UTP20: variants seen among roughly 807,000 people sequenced by gnomAD.
UTP20 encodes small subunit processome component 20 homolog.
Under a neutral mutation model 329.5 loss-of-function variants are expected in UTP20, and 164 were observed. The observed-to-expected ratio is 0.50, with a 90% CI of 0.44 to 0.57. The LOEUF (loss-of-function observed/expected upper bound fraction) is 0.57. Among genes scored for constraint, UTP20 ranks in the 20% least tolerant of loss-of-function variants. The probability of loss-of-function intolerance (pLI) is 0.00; values close to 1 mark genes in which losing one functional copy is unlikely to be tolerated. For synonymous variants in UTP20, 1,151 were observed against 1,159.3 expected (o/e 0.99, Z 0.14); for missense variants, 3,055 against 3,284.2 (o/e 0.93, Z 1.71).
At chr12:101,326,366 G>A (rs1195854100) in intron 25 of UTP20, among the ~76,000 whole-genome samples, 1 of 152,024 alleles carries the variant, frequency 6.6e-6, no homozygotes, top group Non-Finnish European at 1.5e-5. Flanking sequence ...AGAAAAGACT[G>A]TTTCCCTCTT....
intron 43 of UTP20, among the ~76,000 whole-genome samples, chr12:101,359,629 T>A (rs993806406): frequency 5.3e-5 from 8 of 152,188 alleles, no homozygotes; most frequent in African/African-American, 1.9e-4. Flanking sequence ...CCAATGAGTT[T>A]CTTATTTCAG....
chr12:101,347,003 T>G (rs1472492166), intron 38 of UTP20, among the ~76,000 whole-genome samples: 1 of 152,206 alleles, frequency 6.6e-6, no homozygotes. Flanking sequence ...TTTCAAGTGC[T>G]TCATTCTCAC....
chr12:101,285,907 C>G, intron 4 of UTP20, 26 bp downstream of exon 4: 1 of 1,609,664 alleles, frequency 6.2e-7, no homozygotes, highest in Non-Finnish European at 8.5e-7. Context: ...AGAGAAAGCT[C>G]ACAACTATAT....
rs1870341806 is a variant in UTP20 at position 101,372,953 on chromosome 12, G to A, written c.6868G>A (p.Ala2290Thr). ...KLRPNLEFML[A>T]QLNYEHETGR... ...GAGACCAAACTTGGAATTCATGCTC[G>A]CTCAACTGAAGTAAGCTTAAGCTAT... is the stretch of plus-strand genomic sequence containing the variant. The change falls in exon 52 of 62, where the codon GCT (alanine) becomes ACT (threonine). Residue 2290 changes from alanine to threonine, a missense_variant. Around this residue, in one of 3 missense-constraint regions of UTP20, gnomAD observed 273 missense variants for 363.1 expected, o/e 0.75. Coordinates refer to ENST00000261637, the MANE Select transcript of UTP20 (RefSeq NM_014503.3). The A allele has an allele frequency of 8.7e-6, 14 of 1,613,624 alleles. No individual in the cohort carries two copies. The highest frequency in any genetic ancestry group is 1.2e-5 in the Non-Finnish European group (14 of 1,179,702).
intron 21 of UTP20, among the ~76,000 whole-genome samples, chr12:101,315,917 G>A (rs1285748569): frequency 6.6e-6 from 1 of 152,148 alleles, no homozygotes; most frequent in Non-Finnish European, 1.5e-5. Context: ...GTAGAAACAG[G>A]AGCCTGTAAC....
intron 22 of UTP20, among the ~76,000 whole-genome samples, 167 bp from the exon 23 acceptor site, chr12:101,319,378 C>T (rs114352139): frequency 0.012 from 1,902 of 152,262 alleles, 45 homozygotes; most frequent in African/African-American, 0.044. Context: ...TATGGGATTT[C>T]TGGAGAATAA....
Position 101,321,012 on chromosome 12 carries a change from G to A in UTP20, c.2915+75G>A, listed in dbSNP as rs1471475336. 5.5e-5 allele frequency: 73 copies of A among 1,335,652 alleles called. No individual in the cohort carries two copies. The Middle Eastern group carries it at 1.7e-3, about 31-fold the overall frequency. 82.7% of individuals were successfully genotyped at this position (1,335,652 alleles called of 1,614,324 possible). A position where few individuals can be genotyped will look rare whatever the true frequency, so the allele number is the denominator to read the frequency against. On this transcript the variant is annotated intron_variant, in intron 24 of 61. Transcript: ENST00000261637. ...TATTTCTGCCTAAGAGCCTCTTCTA[G>A]AATAATTTATTAAAGGCCTAGAAAG...
chr12:101,310,535 A>T (rs1015271936), intron 19 of UTP20, among the ~76,000 whole-genome samples: 1 of 136,866 alleles, frequency 7.3e-6, no homozygotes, highest in Non-Finnish European at 1.5e-5. Context: ...AGATTGCACC[A>T]TTGCACTCCA....
chr12:101,336,998 A>G (rs1296352200), intron 29 of UTP20, among the ~76,000 whole-genome samples: 1 of 152,202 alleles, frequency 6.6e-6, no homozygotes, highest in African/African-American at 2.4e-5. Flanking sequence ...AAATTTTAAG[A>G]CAACAAAACA....
chr12:101,365,493 G>T lies in UTP20; in HGVS notation c.5993G>T (p.Arg1998Leu). 1.2e-6 allele frequency: 2 copies of T among 1,609,376 alleles called. No homozygotes were observed. Among genetic ancestry groups the T allele is most frequent in the Non-Finnish European group, 1.7e-6 (2 of 1,178,718 alleles). ...AATACCACGAGTTTGAAACTGGCCC[G>T]GAAAGTTCATGAAACTTTACGCCGA... ...LQNTTSLKLA[R>L]KVHETLRRIT... Residue 1998 changes from arginine (R) to leucine (L), a missense_variant, in exon 46 of 62, where the codon CGG becomes CTG. Arg to Leu is a moderately radical substitution (Grantham distance 102, BLOSUM62 -2). Coordinates refer to ENST00000261637, the MANE Select transcript of UTP20 (RefSeq NM_014503.3).
chr12:101,346,551 A>G lies in UTP20; in HGVS notation c.4847A>G (p.Tyr1616Cys), dbSNP rs771964399. Residue 1616 changes from tyrosine to cysteine, a missense_variant, in exon 38 of 62, where the codon TAT (tyrosine) becomes TGT (cysteine). This residue lies in a region of UTP20 where 2,445 missense variants were observed against 2,575.5 expected (regional missense o/e 0.95). Transcript: ENST00000261637. ...SKSLQNYIMP[Y>C]AMTPIFDEKM... ...TCTCTTCAGAATTACATCATGCCTTATGCCATGACTCCAATTTTTGATGAG... is the reference window on the plus strand; with the variant it reads ...TCTCTTCAGAATTACATCATGCCTTGTGCCATGACTCCAATTTTTGATGAG... The G allele has an allele frequency of 1.3e-5, 21 of 1,603,346 alleles. No homozygotes were observed. The highest frequency in any genetic ancestry group is 1.7e-4 in the Middle Eastern group (1 of 6,038).
chr12:101,337,993 G>A (rs886257189), intron 29 of UTP20, 58 bp from the exon 30 acceptor site: 16 of 1,490,014 alleles, frequency 1.1e-5, no homozygotes, highest in Non-Finnish European at 1.1e-5. Context: ...ATATGGACAT[G>A]TTTTTAGAAG....
At chr12:101,281,320 G>A (rs1871790347) in intron 2 of UTP20, 124 bp downstream of exon 2, 11 of 739,668 alleles carry the variant, frequency 1.5e-5, no homozygotes, top group Non-Finnish European at 2.1e-5. Flanking sequence ...GACCTGTGCT[G>A]TTTCATACAG....
intron 29 of UTP20, 142 bp from the exon 30 acceptor site, chr12:101,337,909 T>G: frequency 1.3e-6 from 1 of 762,298 alleles, no homozygotes; most frequent in Non-Finnish European, 2.1e-6. Context: ...TCCATCAAAT[T>G]TTAGATTTAA....
At chr12:101,371,350 C>T (rs138050685) in intron 51 of UTP20, among the ~76,000 whole-genome samples, 182 bp downstream of exon 51, 5 of 151,692 alleles carry the variant, frequency 3.3e-5, no homozygotes, top group Admixed American at 2.0e-4. Flanking sequence ...GACAGGCAGG[C>T]CAAAATTTGA....
At chr12:101,333,686 T>C (rs1394714181) in intron 28 of UTP20, among the ~76,000 whole-genome samples, 1 of 142,474 alleles carries the variant, frequency 7.0e-6, no homozygotes, top group East Asian at 2.4e-4. Context: ...TGAATGTGTC[T>C]CTTAAGCAAC....
intron 56 of UTP20, among the ~76,000 whole-genome samples, chr12:101,377,084 A>T (rs991480265): frequency 5.9e-5 from 9 of 151,954 alleles, no homozygotes; most frequent in Non-Finnish European, 1.3e-4. Flanking sequence ...CCCAGCCGGG[A>T]CCACATCTTA....
At chr12:101,299,080 A>G (rs1003449747) in intron 12 of UTP20, among the ~76,000 whole-genome samples, 3 of 152,146 alleles carry the variant, frequency 2.0e-5, no homozygotes, top group Non-Finnish European at 1.5e-5. Flanking sequence ...TTCAAATAGG[A>G]CCGAGGTGTA....
intron 29 of UTP20, among the ~76,000 whole-genome samples, chr12:101,337,210 T>C (rs1868961921): frequency 6.6e-6 from 1 of 152,192 alleles, no homozygotes; most frequent in Admixed American, 6.5e-5. Flanking sequence ...ACCCGTACCA[T>C]GCACAGTATT....
Sources: gnomAD v4.1 joint callset for allele counts (sites outside exome capture counted in the v4.1 genomes callset) on GRCh38, gnomAD v4.1.1 for gene constraint, gnomAD v4.1.1 regional missense constraint, MANE v1.5 for transcripts, NCBI Gene and HGNC (gene_info 2026-07-23, HGNC 2026-07-21) for gene names.